The following EBF3 variants were observed in gnomAD, a reference collection of about 807,000 sequenced individuals.
EBF3 encodes the protein transcription factor COE3.
A neutral mutation model predicts 77.1 loss-of-function variants in EBF3; 18 were observed. The ratio of observed to expected loss-of-function variants is 0.23; its 90% CI spans 0.16 to 0.35. The LOEUF is 0.35. EBF3 is among the 10% of genes least tolerant of loss of function. The pLI is 1.00. For missense variants in EBF3, 558 were observed against 860.0 expected (o/e 0.65, Z 4.39); for synonymous variants, 350 against 343.5 (o/e 1.02, Z -0.21).
At chr10:129,890,692 T>G (rs1853962306) in intron 6 of EBF3, among the ~76,000 whole-genome samples, 1 of 152,262 alleles carries the variant, frequency 6.6e-6, no homozygotes, top group South Asian at 2.1e-4. Context: ...ACAAAGCCTC[T>G]CTAAATATTT....
At chr10:129,878,929 G>A (rs551217564) in intron 6 of EBF3, among the ~76,000 whole-genome samples, 377 of 151,874 alleles carry the variant, frequency 2.5e-3, no homozygotes, top group African/African-American at 8.7e-3. Flanking sequence ...CAGAAAGCAA[G>A]GAACAGCACT....
Position 129,935,863 on chromosome 10 carries a change from G to A in EBF3, c.554+21395C>T, listed in dbSNP as rs568537186. On this transcript the variant is annotated intron_variant, in intron 6 of 16. Coordinates refer to ENST00000440978, the MANE Select transcript of EBF3 (RefSeq NM_001375380.1). This position sits in a 1 kb window ranked among gnomAD's most constrained non-coding sequence, Gnocchi z 4.2. ...AGGCCAAGACACCAAGAGCGGCCACGATCAGCCACAGGCAGGCATGGACAA... is the reference window on the plus strand; with the variant it reads ...AGGCCAAGACACCAAGAGCGGCCACAATCAGCCACAGGCAGGCATGGACAA... 7.9e-5 allele frequency among the ~76,000 whole-genome samples: 12 copies of A among 152,236 alleles called. No homozygotes were observed. The East Asian group carries it at 9.7e-4, about 12-fold the overall frequency.
chr10:129,912,059 A>G (rs952961837), intron 6 of EBF3, among the ~76,000 whole-genome samples: 1 of 152,134 alleles, frequency 6.6e-6, no homozygotes, highest in Non-Finnish European at 1.5e-5. Flanking sequence ...AATGCCACTG[A>G]ATGAAGAGGG....
chr10:129,855,180 T>C (rs11016977), intron 10 of EBF3, among the ~76,000 whole-genome samples: 21,197 of 152,164 alleles, frequency 0.14, 1,629 homozygotes, highest in East Asian at 0.2. Flanking sequence ...TGACTTCTAA[T>C]TGGAATTAGA....
chr10:129,925,825 G>C (rs958330122), intron 6 of EBF3, among the ~76,000 whole-genome samples: 4 of 151,926 alleles, frequency 2.6e-5, no homozygotes, highest in African/African-American at 9.7e-5. Context: ...CAAAGCCCAC[G>C]CACCACGTAG....
chr10:129,886,174 T>C (rs1365567782), intron 6 of EBF3, among the ~76,000 whole-genome samples: 1 of 152,084 alleles, frequency 6.6e-6, no homozygotes, highest in East Asian at 1.9e-4. Context: ...GTAGGCTGAA[T>C]TATTAATAAA....
rs979177687 is a variant in EBF3, at chr10:129,885,802, C to T, written c.555-7953G>A. ...CCAGCATCACTTGGCTCACAACAGA[C>T]GCACCCCCCTGACTTGTTGCCAGCT... On this transcript the variant is annotated intron_variant, in intron 6 of 16. Transcript: ENST00000440978. The surrounding 1 kb of genome is among the most constrained non-coding windows in gnomAD (Gnocchi z 4.0). Among the ~76,000 whole-genome samples the T allele has an allele frequency of 3.9e-5, 6 of 152,274 alleles. No homozygotes were observed. The highest frequency in any genetic ancestry group is 2.1e-4 in the South Asian group (1 of 4,820).
intron 6 of EBF3, among the ~76,000 whole-genome samples, chr10:129,916,378 G>A (rs1442856796): frequency 6.6e-6 from 1 of 152,200 alleles, no homozygotes; most frequent in Non-Finnish European, 1.5e-5. Flanking sequence ...TGCTCAGCAA[G>A]AATTAAATGA....
In EBF3 at chr10:129,963,746, A is replaced by C; in HGVS notation, c.23T>G (p.Ile8Ser). ...CTTCATGGTCGTCCCCCCGCGCGGA[A>C]TATTCTCCTGAATCCCAAACATGAA... MFGIQENIPRGGTTMKEE... is the reference protein window; with the variant it reads MFGIQENSPRGGTTMKEE... Residue 8 changes from isoleucine (I) to serine (S), a missense_variant, in exon 1 of 17, where the codon ATT (isoleucine) becomes AGT (serine). By Grantham distance (142) the Ile-to-Ser change is moderately radical. Around this residue, in one of 5 missense-constraint regions of EBF3, gnomAD observed 64 missense variants for 54.5 expected, o/e 1.18. Coordinates refer to ENST00000440978, the MANE Select transcript of EBF3 (RefSeq NM_001375380.1). The surrounding 1 kb of genome is among the most constrained non-coding windows in gnomAD (Gnocchi z 7.1). 2.0e-6 allele frequency: 3 copies of C among 1,525,024 alleles called. No homozygotes were observed. Among genetic ancestry groups the C allele is most frequent in the Non-Finnish European group, 2.7e-6 (3 of 1,127,550 alleles). The allele number at this position is 1,525,024 out of a possible 1,614,324, so 94.5% of individuals were successfully genotyped here. A position where few individuals can be genotyped will look rare whatever the true frequency, so the allele number is the denominator to read the frequency against.
At chr10:129,916,491 G>A (rs905273377) in intron 6 of EBF3, among the ~76,000 whole-genome samples, 10 of 152,324 alleles carry the variant, frequency 6.6e-5, no homozygotes, top group Non-Finnish European at 8.8e-5. Context: ...TTATCCGTGC[G>A]GGGCATCTCG....
chr10:129,847,795 G>A (rs1397503659), intron 11 of EBF3, among the ~76,000 whole-genome samples: 2 of 152,234 alleles, frequency 1.3e-5, no homozygotes, highest in African/African-American at 4.8e-5. Flanking sequence ...TGGAATTTCT[G>A]TGATATGTGG....
chr10:129,910,657 C>G (rs1360998984), intron 6 of EBF3, among the ~76,000 whole-genome samples: 1 of 152,104 alleles, frequency 6.6e-6, no homozygotes, highest in Non-Finnish European at 1.5e-5. Flanking sequence ...GTGGGTCCCC[C>G]CTTCTTTTCC....
chr10:129,945,748 TC>T (rs1375545142), intron 6 of EBF3, among the ~76,000 whole-genome samples: 2 of 152,314 alleles, frequency 1.3e-5, no homozygotes, highest in South Asian at 4.1e-4. Flanking sequence ...CACTCATATT[TC>T]CTTGGAATTG....
In EBF3 at chr10:129,867,952, GTCC is replaced by G. The variant is rs757456621; in HGVS notation, c.782-43_782-41del. The G allele has an allele frequency of 1.3e-5, 21 of 1,603,198 alleles. No individual in the cohort carries two copies. In the South Asian group the frequency reaches 2.2e-4, roughly 17 times the overall value. ...CAGAGAAGGCAGACCTTAGAGCCCC[GTCC>G]TCCTCCGACGCTGGGCCGCTCGGCC... On this transcript the variant is annotated intron_variant, in intron 8 of 16. Coordinates refer to ENST00000440978, the MANE Select transcript of EBF3 (RefSeq NM_001375380.1).
intron 10 of EBF3, among the ~76,000 whole-genome samples, chr10:129,866,855 A>C (rs1475919624): frequency 6.6e-6 from 1 of 152,166 alleles, no homozygotes. Flanking sequence ...GTTGTTCCTA[A>C]TGACTCCCCC....
chr10:129,867,984 GCGCGTCCCGCGGC>G, intron 8 of EBF3, 72 bp from the exon 9 acceptor site: 1 of 1,570,084 alleles, frequency 6.4e-7, no homozygotes, highest in Non-Finnish European at 8.6e-7. Context: ...CTCGGCCACC[GCGCGTCCCGCGGC>G]CACCGCGGGA....
chr10:129,942,196 C>T (rs892829992), intron 6 of EBF3, among the ~76,000 whole-genome samples: 1 of 152,160 alleles, frequency 6.6e-6, no homozygotes, highest in East Asian at 1.9e-4. Flanking sequence ...AAAAATTGTG[C>T]TTAAGTTTTG....
At chr10:129,934,818 G>A (rs1857251013) in intron 6 of EBF3, among the ~76,000 whole-genome samples, 1 of 152,096 alleles carries the variant, frequency 6.6e-6, no homozygotes, top group Non-Finnish European at 1.5e-5. Flanking sequence ...ACAGACAAAG[G>A]TCAGTGCTCA....
intron 16 of EBF3, among the ~76,000 whole-genome samples, chr10:129,838,363 C>T (rs544786166): frequency 6.6e-5 from 10 of 152,348 alleles, no homozygotes; most frequent in East Asian, 3.9e-4. Flanking sequence ...ACTCCCGTGA[C>T]GCCAGTCAAG....
Sources: allele counts gnomAD v4.1 joint callset (sites outside exome capture counted in the v4.1 genomes callset), GRCh38; gene constraint gnomAD v4.1.1; regional missense constraint gnomAD v4.1.1; non-coding constraint Gnocchi (gnomAD v3.1); transcripts MANE v1.5; gene names NCBI Gene and HGNC (gene_info 2026-07-23, HGNC 2026-07-21).